Variants in NAA15 observed in about 807,000 individuals in gnomAD.
The protein encoded by NAA15 is N-alpha-acetyltransferase 15, NatA auxiliary subunit, also known as N-terminal acetyltransferase.
NAA15 carries 34 observed loss-of-function variants against 114.0 expected under a neutral mutation model. That is an observed-to-expected ratio of 0.30 (90% CI 0.23 to 0.40). The LOEUF (loss-of-function observed/expected upper bound fraction) is 0.40. Among genes scored for constraint, NAA15 ranks in the 10% least tolerant of loss-of-function variants. NAA15 has a pLI of 1.00. For synonymous variants in NAA15, 340 were observed against 338.0 expected (o/e 1.01, Z -0.06); for missense variants, 658 against 1,004.5 (o/e 0.66, Z 4.66).
At chr4:139,355,747 G>C (rs550108503) in intron 10 of NAA15, among the ~76,000 whole-genome samples, 1 of 152,200 alleles carries the variant, frequency 6.6e-6, no homozygotes, top group Non-Finnish European at 1.5e-5. Flanking sequence ...ATTCAATATT[G>C]TTTTGATGGT....
Position 139,388,201 on chromosome 4 carries a change from C to A in NAA15, c.*117C>A. 1 of 779,232 alleles carries A rather than the reference C, an allele frequency of 1.3e-6. No individual in the cohort carries two copies. The highest frequency in any genetic ancestry group is 2.0e-5 in the South Asian group (1 of 49,046). 48.3% of individuals were successfully genotyped at this position (779,232 alleles called of 1,614,324 possible). On this transcript the variant is annotated 3_prime_UTR_variant, in exon 20 of 20. Coordinates refer to ENST00000296543, the MANE Select transcript of NAA15 (RefSeq NM_057175.5). ...AGAATGAGAGGAGTAAATGTTCTTG[C>A]CTTCAAATAGTGTTTTACGTTTTTT...
At chr4:139,316,015 A>G (rs972011882) in intron 1 of NAA15, among the ~76,000 whole-genome samples, 3 of 151,176 alleles carry the variant, frequency 2.0e-5, no homozygotes, top group African/African-American at 7.3e-5. Flanking sequence ...TTTTGAAGTT[A>G]TATTTACTTT....
intron 15 of NAA15, among the ~76,000 whole-genome samples, chr4:139,373,145 G>A (rs1748490930): frequency 6.6e-6 from 1 of 152,122 alleles, no homozygotes; most frequent in African/African-American, 2.4e-5. Flanking sequence ...GCCTCCCAAA[G>A]TGCTGGGATT....
At chr4:139,342,631 A>G (rs1473861940) in intron 4 of NAA15, among the ~76,000 whole-genome samples, 195 bp from the exon 5 acceptor site, 1 of 151,630 alleles carries the variant, frequency 6.6e-6, no homozygotes, top group East Asian at 1.9e-4. Flanking sequence ...TGTATTTTTG[A>G]TAGAGACGGG....
At chr4:139,386,298 G>T (rs1360742383) in intron 19 of NAA15, 68 bp downstream of exon 19, 2 of 870,240 alleles carry the variant, frequency 2.3e-6, no homozygotes, top group African/African-American at 1.7e-5. Flanking sequence ...GAAATAATTG[G>T]GTATTTATAC....
At chr4:139,349,965 A>G (rs1028168709) in intron 7 of NAA15, among the ~76,000 whole-genome samples, 18 of 151,412 alleles carry the variant, frequency 1.2e-4, no homozygotes, top group Non-Finnish European at 2.1e-4. Context: ...CACCCTGGGC[A>G]ACAGAGCGAG....
At chr4:139,347,901 G>A (rs955211497) in intron 6 of NAA15, among the ~76,000 whole-genome samples, 39 of 150,976 alleles carry the variant, frequency 2.6e-4, no homozygotes, top group Middle Eastern at 3.2e-3. Flanking sequence ...GCGCGGTGGC[G>A]GGCGCCTGTA....
chr4:139,360,061 A>C (rs1475939209), intron 12 of NAA15, among the ~76,000 whole-genome samples, 166 bp downstream of exon 12: 2 of 152,210 alleles, frequency 1.3e-5, no homozygotes, highest in African/African-American at 4.8e-5. Context: ...CAACATTGAT[A>C]TAAAGGATTT....
At position 139,384,844 on chromosome 4, in the gene NAA15, G is replaced by A. The variant is rs1261587876; in HGVS notation, c.2168G>A (p.Ser723Asn). The change falls in exon 18 of 20, where the codon AGT becomes AAT. Residue 723 changes from serine (S) to asparagine (N), a missense_variant. Physicochemically the swap from Ser to Asn is conservative, Grantham distance 46. Around this residue, in one of 6 missense-constraint regions of NAA15, gnomAD observed 275 missense variants for 371.1 expected, o/e 0.74. Transcript: ENST00000296543. ...TTAATTTATTCAGCAGTGTGTGAAAGTAAAGATTTATCTGATACAGTTAGA... is the reference window on the plus strand; with the variant it reads ...TTAATTTATTCAGCAGTGTGTGAAAATAAAGATTTATCTGATACAGTTAGA... ...IRLFNTAVCE[S>N]KDLSDTVRTV... 1 of 1,449,282 alleles carries A rather than the reference G, an allele frequency of 6.9e-7. No individual in the cohort carries two copies. Among genetic ancestry groups the A allele is most frequent in the Non-Finnish European group, 9.2e-7 (1 of 1,085,338 alleles). 89.8% of individuals were successfully genotyped at this position (1,449,282 alleles called of 1,614,324 possible). A position where few individuals can be genotyped will look rare whatever the true frequency, so the allele number is the denominator to read the frequency against.
At chr4:139,381,813 T>G (rs1748763916) in intron 17 of NAA15, among the ~76,000 whole-genome samples, 1 of 152,174 alleles carries the variant, frequency 6.6e-6, no homozygotes, top group African/African-American at 2.4e-5. Context: ...AATTTATTCA[T>G]TCTGTTAATA....
rs929723765 is a variant in NAA15, at chr4:139,387,777, G to A, written c.2401-107G>A. 2.2e-5 allele frequency: 19 copies of A among 846,462 alleles called. 1 individual carries two copies. The South Asian group carries it at 3.2e-4, about 14-fold the overall frequency. 52.4% of individuals were successfully genotyped at this position (846,462 alleles called of 1,614,324 possible). ...TGCAGGAGTAAATAGCTAAATATGTGTATTTATTTCTTATTTTAGAAATCT... is the reference window on the plus strand; with the variant it reads ...TGCAGGAGTAAATAGCTAAATATGTATATTTATTTCTTATTTTAGAAATCT... On this transcript the variant is annotated intron_variant, in intron 19 of 19. Transcript: ENST00000296543.
chr4:139,362,004 C>T (rs1439044961), intron 14 of NAA15, 67 bp downstream of exon 14: 1 of 1,147,166 alleles, frequency 8.7e-7, no homozygotes. Flanking sequence ...TTATGTTTTT[C>T]ATTTAATAGT....
chr4:139,384,204 T>C (rs1043287295), intron 17 of NAA15, among the ~76,000 whole-genome samples: 2 of 152,220 alleles, frequency 1.3e-5, no homozygotes, highest in African/African-American at 2.4e-5. Flanking sequence ...TTGCTGGGCA[T>C]GATGGCTCAT....
At chr4:139,373,980 C>A (rs1001795239) in intron 15 of NAA15, among the ~76,000 whole-genome samples, 2 of 152,156 alleles carry the variant, frequency 1.3e-5, no homozygotes, top group Non-Finnish European at 2.9e-5. Flanking sequence ...GCTGGGATTA[C>A]AGGTGTGAGC....
intron 1 of NAA15, among the ~76,000 whole-genome samples, chr4:139,325,631 T>C (rs1055227318): frequency 6.6e-6 from 1 of 152,226 alleles, no homozygotes; most frequent in Non-Finnish European, 1.5e-5. Flanking sequence ...ACATTGTGCA[T>C]GTCAAGTAAG....
intron 18 of NAA15, among the ~76,000 whole-genome samples, chr4:139,385,901 TG>T (rs1303012395): frequency 6.6e-6 from 1 of 152,192 alleles, no homozygotes; most frequent in Non-Finnish European, 1.5e-5. Flanking sequence ...TCTATTTTAT[TG>T]GGTAGATATA....
intron 9 of NAA15, among the ~76,000 whole-genome samples, chr4:139,352,361 G>A (rs1461007296): frequency 5.3e-5 from 8 of 152,022 alleles, no homozygotes; most frequent in South Asian, 2.1e-4. Context: ...CGCCCACCTC[G>A]GCCTCCCAAA....
chr4:139,347,073 A>G (rs946500293), intron 6 of NAA15, among the ~76,000 whole-genome samples: 1 of 151,532 alleles, frequency 6.6e-6, no homozygotes, highest in Admixed American at 6.6e-5. Flanking sequence ...GTACTCAGCT[A>G]TGGGTTATTT....
chr4:139,304,478 C>T (rs1251481736), intron 1 of NAA15, among the ~76,000 whole-genome samples: 2 of 152,222 alleles, frequency 1.3e-5, no homozygotes, highest in Non-Finnish European at 2.9e-5. Context: ...ATTTCAGGAT[C>T]CCGCGAGATT....
Sources: allele counts gnomAD v4.1 joint callset (sites outside exome capture counted in the v4.1 genomes callset), GRCh38; gene constraint gnomAD v4.1.1; regional missense constraint gnomAD v4.1.1; transcripts MANE v1.5; gene names NCBI Gene and HGNC (gene_info 2026-07-23, HGNC 2026-07-21).